DST: variants seen among roughly 807,000 people sequenced by gnomAD.
DST encodes dystonin.
In DST, 253 loss-of-function variants were observed where a neutral mutation model predicts 875.2. That is an observed-to-expected ratio of 0.29 (90% CI 0.26 to 0.32). The LOEUF is 0.32. Among genes scored for constraint, DST ranks in the 10% least tolerant of loss-of-function variants. DST has a pLI of 1.00. For synonymous variants in DST, 3,124 were observed against 3,197.1 expected, an observed-to-expected ratio of 0.98 and a Z score of 0.77; for missense variants, 8,287 against 9,111.6, an observed-to-expected ratio of 0.91 and a Z score of 3.68.
Position 56,754,381 on chromosome 6 carries a change from ATTCT to A in DST, c.626-19096_626-19093del, listed in dbSNP as rs576764401. On this transcript the variant is annotated intron_variant, in intron 4 of 103. Transcript: ENST00000680361. ...TTCTGCGATGGGGTCTGTGTGACTG[ATTCT>A]TTCTAAGTTCTATGTTCTTAATTGA... Among the ~76,000 whole-genome samples the A allele has an allele frequency of 7.2e-4, 109 of 152,300 alleles. No homozygotes were observed. The East Asian group carries it at 0.02, about 27-fold the overall frequency.
At chr6:56,945,474 C>T (rs1417848209) in intron 2 of DST, among the ~76,000 whole-genome samples, 1 of 152,094 alleles carries the variant, frequency 6.6e-6, no homozygotes, top group East Asian at 1.9e-4. Context: ...AAAATAGATG[C>T]ATAAGATGTG....
intron 5 of DST, among the ~76,000 whole-genome samples, chr6:56,707,628 T>C (rs1322210229): frequency 6.6e-6 from 1 of 152,196 alleles, no homozygotes; most frequent in African/African-American, 2.4e-5. Flanking sequence ...CATTTCACTC[T>C]ATATTCCACT....
intron 33 of DST, among the ~76,000 whole-genome samples, chr6:56,627,568 A>T (rs6908715): frequency 0.012 from 1,886 of 152,300 alleles, 31 homozygotes; most frequent in African/African-American, 0.043. Flanking sequence ...TTCTGAAGAA[A>T]ATAGAGCTAG....
intron 3 of DST, chr6:56,871,469 C>T: frequency 1.3e-6 from 2 of 1,593,120 alleles, no homozygotes; most frequent in Non-Finnish European, 1.7e-6. Context: ...TTTTGCTGCA[C>T]ATGCTTAAAA....
intron 75 of DST, among the ~76,000 whole-genome samples, chr6:56,507,843 G>A (rs915148339): frequency 2.0e-5 from 3 of 152,066 alleles, no homozygotes; most frequent in African/African-American, 7.2e-5. Flanking sequence ...GCCTCTGACG[G>A]GGTTTAGGCA....
chr6:56,501,009 T>A, intron 80 of DST, 71 bp downstream of exon 80: 2 of 1,468,232 alleles, frequency 1.4e-6, no homozygotes, highest in South Asian at 2.7e-5. Flanking sequence ...AAAGAAGAAA[T>A]ATATCCAAGA....
chr6:56,561,321 A>T lies in DST; in HGVS notation c.14297T>A (p.Val4766Asp). 1 of 1,612,980 alleles carries T rather than the reference A, an allele frequency of 6.2e-7. No individual in the cohort carries two copies. ...CACAGAATATACCTTATTCTGCTCA[A>T]CTTGAGTCTTCACAGCTTCAGTATC... Reference protein sequence around the residue: ...PTDTEAVKTQVEQNKSFEAEL... With the variant: ...PTDTEAVKTQDEQNKSFEAEL... The change falls in exon 57 of 104, where the codon GTT becomes GAT. Residue 4766 changes from valine to aspartate, a missense_variant. Transcript: ENST00000680361.
At chr6:56,777,036 T>G (rs1590072187) in intron 4 of DST, among the ~76,000 whole-genome samples, 1 of 152,296 alleles carries the variant, frequency 6.6e-6, no homozygotes, top group Non-Finnish European at 1.5e-5. Context: ...TCCATTATGT[T>G]TTATAAATTG....
rs191049374 is a variant in DST, at chr6:56,487,016, G to A, written c.21047+88C>T. The A allele has an allele frequency of 3.6e-3, 4,712 of 1,293,546 alleles. 12 individuals carry two copies. Among genetic ancestry groups the A allele is most frequent in the Non-Finnish European group, 4.4e-3 (4,072 of 932,110 alleles). The allele number at this position is 1,293,546 out of a possible 1,614,324, so 80.1% of individuals were successfully genotyped here. On this transcript the variant is annotated intron_variant, in intron 87 of 103. Transcript: ENST00000680361. ...TTCCTCAGGCAAAGGAAATATTTAA[G>A]GTTCCCGAAATGTCCCCGCAAAGCA...
Position 56,604,919 on chromosome 6 carries a change from G to T in DST, c.9709C>A (p.Pro3237Thr). 1.2e-6 allele frequency: 2 copies of T among 1,612,632 alleles called. No homozygotes were observed. Among genetic ancestry groups the T allele is most frequent in the East Asian group, 2.2e-5 (1 of 44,846 alleles). Residue 3237 changes from proline to threonine, a missense_variant, in exon 40 of 104, where the codon CCT becomes ACT. Physicochemically the swap from Pro to Thr is conservative, Grantham distance 38. Around this residue, in one of 10 missense-constraint regions of DST, gnomAD observed 3,138 missense variants for 3,116.6 expected, o/e 1.01. Transcript: ENST00000680361. ...TTGCTTTGGATCATGTCATTAAGAG[G>T]TGAGTCTTTTTGGGTACTAGTGGAC... ...EKSTSTQKDS[P>T]LNDMIQSNDL...
intron 4 of DST, among the ~76,000 whole-genome samples, chr6:56,812,185 C>T (rs890410377): frequency 6.8e-6 from 1 of 146,496 alleles, no homozygotes; most frequent in African/African-American, 2.5e-5. Flanking sequence ...TGATATAAAT[C>T]TGACAAAAAT....
intron 7 of DST, among the ~76,000 whole-genome samples, chr6:56,702,380 TACACACACACAC>T (rs141415908): frequency 2.0e-5 from 3 of 149,418 alleles, no homozygotes; most frequent in Non-Finnish European, 4.5e-5. Context: ...TAACTGTATA[TACACACACACAC>T]ACACACACAC....
At chr6:56,919,203 T>A (rs1385848304) in intron 2 of DST, among the ~76,000 whole-genome samples, 3 of 152,166 alleles carry the variant, frequency 2.0e-5, no homozygotes, top group Non-Finnish European at 4.4e-5. Context: ...AATTCTTTTA[T>A]TCAAAACTGC....
chr6:56,712,991 A>T (rs112487222), intron 5 of DST, among the ~76,000 whole-genome samples: 2,003 of 152,292 alleles, frequency 0.013, 50 homozygotes, highest in African/African-American at 0.045. Flanking sequence ...AACAACAAAA[A>T]AAGAGAGCTC....
chr6:56,900,227 A>G (rs966858580), intron 3 of DST, among the ~76,000 whole-genome samples, 194 bp downstream of exon 3: 13 of 151,968 alleles, frequency 8.6e-5, no homozygotes, highest in Admixed American at 5.9e-4. Context: ...TTTTTTGTCA[A>G]CTATCTATCC....
At chr6:56,559,928 T>C (rs1175474325) in intron 58 of DST, among the ~76,000 whole-genome samples, 1 of 151,980 alleles carries the variant, frequency 6.6e-6, no homozygotes, top group East Asian at 1.9e-4. Context: ...CTTTTCCAGA[T>C]GAATGAAAGA....
chr6:56,582,741 C>T (rs998768744), intron 49 of DST, among the ~76,000 whole-genome samples: 9 of 151,942 alleles, frequency 5.9e-5, no homozygotes, highest in Non-Finnish European at 1.0e-4. Context: ...GCTATCTCTC[C>T]CCCCTACCCC....
At chr6:56,737,105 A>G (rs1054473916) in intron 4 of DST, among the ~76,000 whole-genome samples, 5 of 152,216 alleles carry the variant, frequency 3.3e-5, no homozygotes, top group Non-Finnish European at 7.3e-5. Context: ...GAGGTGGGCA[A>G]GTCATTTGAG....
Position 56,614,494 on chromosome 6 carries a change from G to C in DST, c.4930-10C>G. On this transcript the variant is annotated splice_polypyrimidine_tract_variant and intron_variant, in intron 36 of 103. Transcript: ENST00000680361. ...CTTCTTCCAGTGACTTCTGACAGTTGTGAGCGGTAAGAAAAATATACACTG... is the reference window on the plus strand; with the variant it reads ...CTTCTTCCAGTGACTTCTGACAGTTCTGAGCGGTAAGAAAAATATACACTG... 1 of 1,591,266 alleles carries C rather than the reference G, an allele frequency of 6.3e-7. No individual in the cohort carries two copies. The highest frequency in any genetic ancestry group is 8.5e-7 in the Non-Finnish European group (1 of 1,170,088).
Sources: allele counts gnomAD v4.1 joint callset (sites outside exome capture counted in the v4.1 genomes callset), GRCh38; gene constraint gnomAD v4.1.1; regional missense constraint gnomAD v4.1.1; transcripts MANE v1.5; gene names NCBI Gene and HGNC (gene_info 2026-07-23, HGNC 2026-07-21).